The following SRCIN1 variants were observed in gnomAD, a reference collection of about 807,000 sequenced individuals.
SRCIN1 encodes SRC kinase signaling inhibitor 1, also known as P130Cas-associated protein.
In SRCIN1, 50 loss-of-function variants were observed where a neutral mutation model predicts 116.2. The observed-to-expected ratio is 0.43, with a 90% confidence interval of 0.34 to 0.54. The LOEUF (loss-of-function observed/expected upper bound fraction) is 0.54, where lower values mean the gene tolerates loss of function less well. Among genes scored for constraint, SRCIN1 ranks in the 20% least tolerant of loss-of-function variants. The pLI, the probability that SRCIN1 is intolerant of heterozygous loss-of-function variation, is 0.02. For synonymous variants in SRCIN1, 736 were observed against 750.0 expected (o/e 0.98, Z 0.30); for missense variants, 1,446 against 1,672.0 (o/e 0.86, Z 2.36).
Position 38,562,680 on chromosome 17 carries a change from T to C in SRCIN1, c.834+147A>G. 1.5e-6 allele frequency: 1 copy of C among 688,436 alleles called. No homozygotes were observed. Among genetic ancestry groups the C allele is most frequent in the Non-Finnish European group, 2.4e-6 (1 of 418,316 alleles). The allele number at this position is 688,436 out of a possible 1,614,324, so 42.6% of individuals were successfully genotyped here. The stretch of plus-strand genomic sequence containing the variant: ...CCGGAATGGAGGGGAAAGTGGCAGG[T>C]GGGACAGGGGCTCTTCCCTAACCCC... On this transcript the variant is annotated intron_variant, in intron 6 of 18. Coordinates refer to ENST00000617146, the MANE Select transcript of SRCIN1 (RefSeq NM_025248.3). This position sits in a 1 kb window ranked among gnomAD's most constrained non-coding sequence, Gnocchi z 4.2.
intron 1 of SRCIN1, among the ~76,000 whole-genome samples, chr17:38,601,423 G>A (rs919060737): frequency 1.3e-5 from 2 of 152,186 alleles, no homozygotes; most frequent in Non-Finnish European, 2.9e-5. Context: ...GGTCTGGTGG[G>A]TGTGAGGGGC....
intron 1 of SRCIN1, among the ~76,000 whole-genome samples, chr17:38,595,945 C>G (rs1908707633): frequency 6.6e-6 from 1 of 152,232 alleles, no homozygotes; most frequent in African/African-American, 2.4e-5. Flanking sequence ...CTGGGCCCAC[C>G]AGGGATAGCC....
chr17:38,547,711 G>C, intron 17 of SRCIN1: 1 of 300,264 alleles, frequency 3.3e-6, no homozygotes, highest in Middle Eastern at 4.2e-4. Flanking sequence ...GAAGCTGTGG[G>C]GGCACAGGCA....
chr17:38,584,515 G>A (rs957068446), intron 1 of SRCIN1, among the ~76,000 whole-genome samples: 6 of 152,242 alleles, frequency 3.9e-5, no homozygotes, highest in South Asian at 4.1e-4. Flanking sequence ...TGGGGTGGCC[G>A]GGAAGTGGCG....
At chr17:38,556,555 C>T (rs1374454155) in intron 11 of SRCIN1, among the ~76,000 whole-genome samples, 5 of 151,436 alleles carry the variant, frequency 3.3e-5, no homozygotes, top group African/African-American at 1.2e-4. Flanking sequence ...CCACGAGCTA[C>T]AGCCAGAGTG....
At position 38,561,646 on chromosome 17, in the gene SRCIN1, C is replaced by A. The variant is rs1906252638; in HGVS notation, c.1517G>T (p.Arg506Leu). ...GCCCGAGTCCTTGCGGAAGGACTGGCGCACTGGCGAGCCGCGGCTGGGCGG... is the reference window on the plus strand; with the variant it reads ...GCCCGAGTCCTTGCGGAAGGACTGGAGCACTGGCGAGCCGCGGCTGGGCGG... ...SGPPSRGSPV[R>L]QSFRKDSGSS... Residue 506 changes from arginine (R) to leucine (L), a missense_variant, in exon 7 of 19, where the codon CGC (arginine) becomes CTC (leucine). Arg to Leu is a moderately radical substitution (Grantham distance 102). Around this residue, in one of 5 missense-constraint regions of SRCIN1, gnomAD observed 398 missense variants for 385.6 expected, o/e 1.03. Transcript: ENST00000617146. 1 of 1,567,678 alleles carries A rather than the reference C, an allele frequency of 6.4e-7. No homozygotes were observed.
chr17:38,582,152 T>C (rs1230344535), intron 1 of SRCIN1, among the ~76,000 whole-genome samples: 4 of 152,082 alleles, frequency 2.6e-5, no homozygotes, highest in Non-Finnish European at 5.9e-5. Context: ...TTGGGACAGG[T>C]CTCCAATTAT....
Position 38,558,530 on chromosome 17 carries a change from T to C in SRCIN1, c.2026-128A>G. ...GGGCTCTGCAGAAGAAGCGGCTGCT[T>C]GGCTCCGCCTCAGGCAGCAGCGAAG... On this transcript the variant is annotated intron_variant, in intron 10 of 18. Coordinates refer to ENST00000617146, the MANE Select transcript of SRCIN1 (RefSeq NM_025248.3). The surrounding 1 kb of genome is among the most constrained non-coding windows in gnomAD (Gnocchi z 4.6). The C allele has an allele frequency of 1.0e-6, 1 of 1,002,100 alleles. No individual in the cohort carries two copies. Among genetic ancestry groups the C allele is most frequent in the Non-Finnish European group, 1.4e-6 (1 of 730,788 alleles). 62.1% of individuals were successfully genotyped at this position (1,002,100 alleles called of 1,614,324 possible). A position where few individuals can be genotyped will look rare whatever the true frequency, so the allele number is the denominator to read the frequency against.
At chr17:38,583,548 G>GTTTTTTTTTTTTTTTTTTTTTTTTTTTT (rs10691272) in intron 1 of SRCIN1, among the ~76,000 whole-genome samples, 1 of 104,294 alleles carries the variant, frequency 9.6e-6, no homozygotes. Context: ...TTCATTTTCT[G>GTTTTTTTTTTTTTTTTTTTTTTTTTTTT]TTTTTTTTTT....
Position 38,563,268 on chromosome 17 carries a change from C to A in SRCIN1, c.740+55G>T. 1.3e-6 allele frequency: 2 copies of A among 1,546,016 alleles called. No individual in the cohort carries two copies. Among genetic ancestry groups the A allele is most frequent in the East Asian group, 2.4e-5 (1 of 40,932 alleles). Reference sequence around the variant, plus strand: ...GGAAGGGCCGGCGGGGTCCAGCACCCTGCAGAGGAGGAGCGTGGGGAAGCC... The same window carrying A: ...GGAAGGGCCGGCGGGGTCCAGCACCATGCAGAGGAGGAGCGTGGGGAAGCC... On this transcript the variant is annotated intron_variant, in intron 5 of 18. Coordinates refer to ENST00000617146, the MANE Select transcript of SRCIN1 (RefSeq NM_025248.3). This position sits in a 1 kb window ranked among gnomAD's most constrained non-coding sequence, Gnocchi z 5.8.
In SRCIN1 at chr17:38,558,153, C is replaced by T. The variant is rs1368289596; in HGVS notation, c.2201+74G>A. The T allele has an allele frequency of 1.3e-6, 2 of 1,545,000 alleles. No homozygotes were observed. Among genetic ancestry groups the T allele is most frequent in the Non-Finnish European group, 1.8e-6 (2 of 1,134,296 alleles). On this transcript the variant is annotated intron_variant, in intron 11 of 18. Coordinates refer to ENST00000617146, the MANE Select transcript of SRCIN1 (RefSeq NM_025248.3). This position sits in a 1 kb window ranked among gnomAD's most constrained non-coding sequence, Gnocchi z 4.6. ...TGACTCAGAGGGAAGGGAGCTGCGC[C>T]TCCCAGGGAAACCAGGTTGCGGGTC...
In SRCIN1 at chr17:38,602,734, G is replaced by A. The variant is rs1365986951; in HGVS notation, c.22+2950C>T. 6.6e-6 allele frequency: 1 copy of A among 152,292 alleles called. No individual in the cohort carries two copies. Among genetic ancestry groups the A allele is most frequent in the Non-Finnish European group, 1.5e-5 (1 of 68,042 alleles). 9.4% of individuals were successfully genotyped at this position (152,292 alleles called of 1,614,324 possible). A position where few individuals can be genotyped will look rare whatever the true frequency, so the allele number is the denominator to read the frequency against. On this transcript the variant is annotated intron_variant, in intron 1 of 18. Coordinates refer to ENST00000617146, the MANE Select transcript of SRCIN1 (RefSeq NM_025248.3). This position sits in a 1 kb window ranked among gnomAD's most constrained non-coding sequence, Gnocchi z 4.2. The stretch of plus-strand genomic sequence containing the variant: ...AGAGCAGCTTTTATGGCAAGCCCTG[G>A]ATCCTTCCCCTGAACTCCCTGCCTG...
At position 38,532,682 on chromosome 17, in the gene SRCIN1, T is replaced by C. The variant is rs975104942; in HGVS notation, c.*615A>G. 5 of 152,300 alleles carry C rather than the reference T, an allele frequency of 3.3e-5. No individual in the cohort carries two copies. The highest frequency in any genetic ancestry group is 3.3e-4 in the Admixed American group (5 of 15,280). The allele number at this position is 152,300 out of a possible 1,614,324, so 9.4% of individuals were successfully genotyped here. A position where few individuals can be genotyped will look rare whatever the true frequency, so the allele number is the denominator to read the frequency against. The stretch of plus-strand genomic sequence containing the variant: ...CGTCTCTACTCCAGGCCCACTTGGG[T>C]GTGAGTGGGAGGAGGCAGAGCAGCC... On this transcript the variant is annotated 3_prime_UTR_variant, in exon 19 of 19. Coordinates refer to ENST00000617146, the MANE Select transcript of SRCIN1 (RefSeq NM_025248.3). The surrounding 1 kb of genome is among the most constrained non-coding windows in gnomAD (Gnocchi z 4.3).
chr17:38,543,034 C>T, intron 18 of SRCIN1: 4 of 455,650 alleles, frequency 8.8e-6, no homozygotes, highest in South Asian at 6.2e-5. Context: ...ACATCTGGGT[C>T]CAGGAGCCAC....
At chr17:38,548,437 C>T (rs541979974) in intron 17 of SRCIN1, 120 bp downstream of exon 17, 20 of 1,236,068 alleles carry the variant, frequency 1.6e-5, no homozygotes, top group South Asian at 6.8e-5. Context: ...GAACAGCCAG[C>T]GCTCCGCAGG....
At chr17:38,590,220 T>C (rs889688185) in intron 1 of SRCIN1, among the ~76,000 whole-genome samples, 2 of 152,210 alleles carry the variant, frequency 1.3e-5, no homozygotes, top group African/African-American at 2.4e-5. Context: ...GTGGGAAATA[T>C]GGACCAGCCA....
intron 1 of SRCIN1, among the ~76,000 whole-genome samples, chr17:38,584,021 A>C (rs1298162261): frequency 6.6e-6 from 1 of 152,122 alleles, no homozygotes; most frequent in Admixed American, 6.5e-5. Flanking sequence ...ATCGATTCCA[A>C]TCTAGCAAGC....
chr17:38,597,899 G>T (rs990072313), intron 1 of SRCIN1, among the ~76,000 whole-genome samples: 3 of 152,158 alleles, frequency 2.0e-5, no homozygotes, highest in East Asian at 1.9e-4. Context: ...GGACCAGGAG[G>T]GGGTGAGCCA....
At chr17:38,573,718 C>T (rs1907238625) in intron 2 of SRCIN1, among the ~76,000 whole-genome samples, 1 of 152,270 alleles carries the variant, frequency 6.6e-6, no homozygotes, top group African/African-American at 2.4e-5. Context: ...CCTACCCATG[C>T]ATATCACATC....
Sources: allele counts gnomAD v4.1 joint callset (sites outside exome capture counted in the v4.1 genomes callset), GRCh38; gene constraint gnomAD v4.1.1; regional missense constraint gnomAD v4.1.1; non-coding constraint Gnocchi (gnomAD v3.1); transcripts MANE v1.5; gene names NCBI Gene and HGNC (gene_info 2026-07-23, HGNC 2026-07-21).